The following JAK1 variants were observed in gnomAD, a reference collection of about 807,000 sequenced individuals.
JAK1 encodes the protein tyrosine-protein kinase JAK1.
Under a neutral mutation model 136.6 loss-of-function variants are expected in JAK1, and 16 were observed. The observed-to-expected ratio is 0.12, with a 90% CI of 0.08 to 0.18. The LOEUF (loss-of-function observed/expected upper bound fraction) is 0.18. Ranked by LOEUF, JAK1 falls within the 10% of genes least tolerant of loss-of-function variation. The pLI is 1.00. For synonymous variants in JAK1, 492 were observed against 519.5 expected (o/e 0.95, Z 0.72); for missense variants, 859 against 1,450.1 (o/e 0.59, Z 6.62).
rs770920446 is a variant in JAK1, at chr1:64,844,041, C to T, written c.2403+23G>A. 5.1e-5 allele frequency: 82 copies of T among 1,612,384 alleles called. No individual in the cohort carries two copies. The highest frequency in any genetic ancestry group is 3.7e-4 in the Middle Eastern group (2 of 5,360). On this transcript the variant is annotated intron_variant, in intron 17 of 24. Coordinates refer to ENST00000342505, the MANE Select transcript of JAK1 (RefSeq NM_002227.4). The surrounding 1 kb of genome is among the most constrained non-coding windows in gnomAD (Gnocchi z 5.7). Reference sequence around the variant, plus strand: ...CACCTGAAAGCCCTCACTTGCCTCACGCCCCGGGAAACACCTGCTCACCTC... The same window carrying T: ...CACCTGAAAGCCCTCACTTGCCTCATGCCCCGGGAAACACCTGCTCACCTC...
intron 2 of JAK1, among the ~76,000 whole-genome samples, chr1:65,032,306 G>A (rs1487790382): frequency 6.6e-6 from 1 of 152,118 alleles, no homozygotes; most frequent in Non-Finnish European, 1.5e-5. Flanking sequence ...TGCAAATCAA[G>A]ATAAGAAACT....
In JAK1 at chr1:64,984,699, T is replaced by C. The variant is rs964143009; in HGVS notation, c.-78+59781A>G. The stretch of plus-strand genomic sequence containing the variant: ...TCTATTTGCATCGTGTGCCTGCCCC[T>C]CAAAGGCCTATGTGATATCCTTGAA... On this transcript the variant is annotated intron_variant, in intron 2 of 25. Transcript: ENST00000671954. This position sits in a 1 kb window ranked among gnomAD's most constrained non-coding sequence, Gnocchi z 4.1. The C allele has an allele frequency of 4.4e-6, 3 of 675,510 alleles. No individual in the cohort carries two copies. The highest frequency in any genetic ancestry group is 3.6e-5 in the African/African-American group (2 of 54,822). The allele number at this position is 675,510 out of a possible 1,614,324, so 41.8% of individuals were successfully genotyped here.
At chr1:64,858,878 G>A (rs541897746) in intron 9 of JAK1, among the ~76,000 whole-genome samples, 1 of 152,352 alleles carries the variant, frequency 6.6e-6, no homozygotes, top group African/African-American at 2.4e-5. Context: ...GGTCAAGGAA[G>A]ACTTCACGGA....
At chr1:64,913,002 GCCATATACAT>G in intron 1 of JAK1, among the ~76,000 whole-genome samples, 1 of 152,186 alleles carries the variant, frequency 6.6e-6, no homozygotes, top group Non-Finnish European at 1.5e-5. Flanking sequence ...TGGTAGGGTG[GCCATATACAT>G]ATAAAAATTA....
At chr1:64,911,205 C>T (rs1282597921) in intron 1 of JAK1, among the ~76,000 whole-genome samples, 1 of 152,060 alleles carries the variant, frequency 6.6e-6, no homozygotes. Context: ...GGATTTGGGG[C>T]CACAGGAATG....
At chr1:64,966,926 G>T (rs1361622876), upstream of JAK1, among the ~76,000 whole-genome samples, 1 of 151,956 alleles carries the variant, frequency 6.6e-6, no homozygotes, top group Non-Finnish European at 1.5e-5. Context: ...CTCCGTATAC[G>T]CTCCGCTTCT....
intron 1 of JAK1, among the ~76,000 whole-genome samples, chr1:64,903,648 A>G (rs1322915802): frequency 6.6e-6 from 1 of 152,222 alleles, no homozygotes; most frequent in African/African-American, 2.4e-5. Context: ...TCTGAGCCTT[A>G]GCTCTTTTAT....
chr1:64,838,686 C>T (rs993531162), intron 20 of JAK1, 97 bp from the exon 21 acceptor site: 163 of 1,181,518 alleles, frequency 1.4e-4, no homozygotes, highest in South Asian at 3.4e-4. Context: ...CCTGAGGTGA[C>T]GCCAGCTTCG....
intron 11 of JAK1, among the ~76,000 whole-genome samples, chr1:64,851,517 G>A (rs535103451): frequency 6.6e-6 from 1 of 152,314 alleles, no homozygotes; most frequent in East Asian, 1.9e-4. Context: ...TCTGAAGCTC[G>A]TGGTACCAGC....
At chr1:65,011,795 G>C (rs968866137) in intron 2 of JAK1, among the ~76,000 whole-genome samples, 11 of 152,174 alleles carry the variant, frequency 7.2e-5, no homozygotes, top group Non-Finnish European at 1.6e-4. Flanking sequence ...GTGGAGTTAG[G>C]AAAACTAGGT....
chr1:64,973,164 G>GAAGAAAAAGAAAGAAAGA (rs776044398), intron 2 of JAK1: 4 of 115,794 alleles, frequency 3.5e-5, no homozygotes, highest in African/African-American at 6.9e-5. Flanking sequence ...AGGAAGAAAG[G>GAAGAAAAAGAAAGAAAGA]AAGAAAAAGA....
intron 1 of JAK1, among the ~76,000 whole-genome samples, chr1:64,953,820 C>T (rs1185956318): frequency 3.9e-5 from 6 of 151,992 alleles, no homozygotes; most frequent in South Asian, 2.1e-4. Flanking sequence ...CTGCCACGCC[C>T]AGCTAATTTC....
At position 64,864,863 on chromosome 1, in the gene JAK1, G is replaced by C; in HGVS notation, c.1100C>G (p.Ser367Cys). 1 of 1,613,960 alleles carries C rather than the reference G, an allele frequency of 6.2e-7. No individual in the cohort carries two copies. The highest frequency in any genetic ancestry group is 8.5e-7 in the Non-Finnish European group (1 of 1,179,858). Residue 367 changes from serine to cysteine, a missense_variant, in exon 8 of 25, where the codon TCT (serine) becomes TGT (cysteine). Physicochemically the swap from Ser to Cys is moderately radical, Grantham distance 112 (BLOSUM62 -1). Around this residue, in one of 4 missense-constraint regions of JAK1, gnomAD observed 353 missense variants for 494.0 expected, o/e 0.71. Transcript: ENST00000342505. ...AATGTGAGTGATTTCAGGGAAGTAA[G>C]AAAAATTGTTCCACTCTTCCCGGAT... Reference protein sequence around the residue: ...NKIREEWNNFSYFPEITHIVI... With the variant: ...NKIREEWNNFCYFPEITHIVI...
intron 1 of JAK1, among the ~76,000 whole-genome samples, chr1:64,950,392 G>A (rs1646063449): frequency 6.7e-6 from 1 of 150,108 alleles, no homozygotes; most frequent in Non-Finnish European, 1.5e-5. Flanking sequence ...GGGAGACAGA[G>A]CAAGACTCTG....
chr1:65,011,134 G>A (rs1167964935), intron 2 of JAK1, among the ~76,000 whole-genome samples: 5 of 152,164 alleles, frequency 3.3e-5, no homozygotes, highest in East Asian at 1.9e-4. Flanking sequence ...AGTGTGTGGA[G>A]GGTGGGATTA....
At chr1:64,873,202 G>A (rs912338231) in intron 5 of JAK1, among the ~76,000 whole-genome samples, 168 bp downstream of exon 5, 2 of 152,206 alleles carry the variant, frequency 1.3e-5, no homozygotes, top group Non-Finnish European at 2.9e-5. Flanking sequence ...CTGAAATGCT[G>A]CCTTTTTTCT....
chr1:64,933,445 G>A (rs553982096), intron 1 of JAK1, among the ~76,000 whole-genome samples: 21 of 152,318 alleles, frequency 1.4e-4, no homozygotes, highest in African/African-American at 4.8e-4. Context: ...TCCAAGGGAA[G>A]TGACAAAATT....
chr1:64,927,995 C>G (rs1353308451), intron 1 of JAK1, among the ~76,000 whole-genome samples: 2 of 152,184 alleles, frequency 1.3e-5, no homozygotes, highest in African/African-American at 4.8e-5. Context: ...CTAATTTTCA[C>G]AAAGACAATA....
Position 64,955,702 on chromosome 1 carries a change from G to A in JAK1, c.-78+10631C>T, listed in dbSNP as rs139738277. Among the ~76,000 whole-genome samples the A allele has an allele frequency of 6.6e-5, 10 of 152,324 alleles. No homozygotes were observed. The East Asian group carries it at 1.7e-3, about 26-fold the overall frequency. The stretch of plus-strand genomic sequence containing the variant: ...TACAGCATGTGCTCACTTAAAGTGG[G>A]AGCTAAATAATGTCTGCACATGGAC... On this transcript the variant is annotated intron_variant, in intron 1 of 24. Coordinates refer to ENST00000342505, the MANE Select transcript of JAK1 (RefSeq NM_002227.4).
Sources: allele counts gnomAD v4.1 joint callset (sites outside exome capture counted in the v4.1 genomes callset), GRCh38; gene constraint gnomAD v4.1.1; regional missense constraint gnomAD v4.1.1; non-coding constraint Gnocchi (gnomAD v3.1); transcripts MANE v1.5; gene names NCBI Gene and HGNC (gene_info 2026-07-23, HGNC 2026-07-21).